The following NPAS3 variants were observed in gnomAD, a reference collection of about 807,000 sequenced individuals.
NPAS3 encodes the protein neuronal PAS domain-containing protein 3.
Under a neutral mutation model 73.1 loss-of-function variants are expected in NPAS3, and 14 were observed. The ratio of observed to expected loss-of-function variants is 0.19; its 90% CI spans 0.13 to 0.30. The LOEUF (loss-of-function observed/expected upper bound fraction) is 0.30. NPAS3 is among the 10% of genes least tolerant of loss of function. The pLI is 1.00. For missense variants in NPAS3, 1,096 were observed against 1,250.0 expected (o/e 0.88, Z 1.86); for synonymous variants, 620 against 541.5 (o/e 1.14, Z -2.01).
At chr14:32,966,070 G>C (rs1487086075) in intron 1 of NPAS3, among the ~76,000 whole-genome samples, 1 of 152,080 alleles carries the variant, frequency 6.6e-6, no homozygotes, top group Non-Finnish European at 1.5e-5. Context: ...CAAATGGAAA[G>C]ATATCTCATG....
chr14:33,190,089 T>C (rs1366991073), intron 2 of NPAS3, among the ~76,000 whole-genome samples: 4 of 152,184 alleles, frequency 2.6e-5, no homozygotes, highest in South Asian at 4.1e-4. Flanking sequence ...AGAAAATGCA[T>C]AGAAATACTT....
chr14:33,606,692 G>A (rs981651088), intron 5 of NPAS3, among the ~76,000 whole-genome samples: 1 of 152,124 alleles, frequency 6.6e-6, no homozygotes, highest in African/African-American at 2.4e-5. Context: ...AGATAAAGAT[G>A]TCCTAATTAT....
chr14:33,648,104 G>C (rs912051465), intron 5 of NPAS3, among the ~76,000 whole-genome samples: 2 of 152,136 alleles, frequency 1.3e-5, no homozygotes, highest in African/African-American at 4.8e-5. Flanking sequence ...TTAGAACTCT[G>C]TAAAGCAGAG....
intron 2 of NPAS3, among the ~76,000 whole-genome samples, chr14:33,062,159 C>A (rs1371916438): frequency 6.6e-6 from 1 of 152,038 alleles, no homozygotes; most frequent in Non-Finnish European, 1.5e-5. Flanking sequence ...AGAAGAATTA[C>A]CCTGGAGGTG....
intron 3 of NPAS3, among the ~76,000 whole-genome samples, chr14:33,315,841 G>A (rs1485978449): frequency 6.6e-6 from 1 of 151,980 alleles, no homozygotes; most frequent in Non-Finnish European, 1.5e-5. Flanking sequence ...GAATTTTGTT[G>A]AGAACTCCAG....
intron 2 of NPAS3, among the ~76,000 whole-genome samples, chr14:33,111,782 G>A (rs2042902707): frequency 6.6e-6 from 1 of 151,228 alleles, no homozygotes; most frequent in African/African-American, 2.4e-5. Context: ...ATTTACATTA[G>A]GTATATCTCC....
chr14:33,038,590 G>T (rs2040248823), intron 1 of NPAS3, among the ~76,000 whole-genome samples: 1 of 151,998 alleles, frequency 6.6e-6, no homozygotes, highest in African/African-American at 2.4e-5. Flanking sequence ...GCTTTTTAAA[G>T]GGATGTCATT....
chr14:33,189,285 G>T (rs1028800), intron 2 of NPAS3, among the ~76,000 whole-genome samples: 1 of 152,166 alleles, frequency 6.6e-6, no homozygotes, highest in African/African-American at 2.4e-5. Flanking sequence ...GGCAGACAGA[G>T]CTTGTTTTAA....
At chr14:32,997,613 C>G (rs1255172593) in intron 1 of NPAS3, among the ~76,000 whole-genome samples, 1 of 152,014 alleles carries the variant, frequency 6.6e-6, no homozygotes, top group African/African-American at 2.4e-5. Flanking sequence ...CTCTCTTTTC[C>G]TGCTGCCATC....
intron 2 of NPAS3, among the ~76,000 whole-genome samples, chr14:33,200,931 G>A (rs1325155783): frequency 1.3e-5 from 2 of 152,004 alleles, no homozygotes; most frequent in African/African-American, 2.4e-5. Context: ...AATTTTCTTT[G>A]ATCCTGCAAG....
intron 7 of NPAS3, among the ~76,000 whole-genome samples, chr14:33,768,786 C>A (rs930994375): frequency 6.6e-6 from 1 of 152,206 alleles, no homozygotes; most frequent in Non-Finnish European, 1.5e-5. Flanking sequence ...TACCGCCCCC[C>A]ACCAATATTC....
rs757026391 is a variant in NPAS3 at position 33,333,816 on chromosome 14, C to A, written c.386-33370C>A. 1.1e-3 allele frequency among the ~76,000 whole-genome samples: 175 copies of A among 152,272 alleles called. 2 individuals are homozygous for A. The highest frequency in any genetic ancestry group is 4.4e-4 in the Non-Finnish European group (30 of 68,018). ...ACTAATTCCCACTTATAAACACTGG[C>A]ATGGCTTCAAGTCCATTTTATTGAA... On this transcript the variant is annotated intron_variant, in intron 3 of 11. Transcript: ENST00000356141.
chr14:33,402,633 T>A (rs2047495000), intron 4 of NPAS3, among the ~76,000 whole-genome samples: 1 of 152,132 alleles, frequency 6.6e-6, no homozygotes, highest in African/African-American at 2.4e-5. Context: ...AACTAAATGG[T>A]CTCTGCTGTG....
chr14:33,408,187 A>G (rs900584347), intron 4 of NPAS3, among the ~76,000 whole-genome samples: 1 of 152,102 alleles, frequency 6.6e-6, no homozygotes, highest in Non-Finnish European at 1.5e-5. Flanking sequence ...CTCATTGTGA[A>G]ATCTAATTAT....
At chr14:33,246,305 C>G (rs906701038) in intron 3 of NPAS3, among the ~76,000 whole-genome samples, 3 of 151,900 alleles carry the variant, frequency 2.0e-5, no homozygotes, top group African/African-American at 7.3e-5. Context: ...TTTGGGAGGC[C>G]GAGGCGGGCG....
At chr14:33,017,016 G>T (rs1445600098) in intron 1 of NPAS3, among the ~76,000 whole-genome samples, 1 of 152,140 alleles carries the variant, frequency 6.6e-6, no homozygotes, top group Non-Finnish European at 1.5e-5. Context: ...ATAACTAAAA[G>T]AACCTGAAAA....
intron 1 of NPAS3, among the ~76,000 whole-genome samples, chr14:32,971,936 C>CTTTTTTTTT (rs66998179): frequency 8.9e-6 from 1 of 112,942 alleles, no homozygotes; most frequent in Non-Finnish European, 1.8e-5. Context: ...CAGTGGGACT[C>CTTTTTTTTT]TTTTTTTTTT....
chr14:32,940,454 C>G (rs185801708), intron 1 of NPAS3, among the ~76,000 whole-genome samples: 11 of 152,330 alleles, frequency 7.2e-5, no homozygotes, highest in Admixed American at 6.5e-4. Context: ...ACGTTAATGA[C>G]ATTAATTGCA....
At chr14:33,582,447 A>G (rs1595205795) in intron 5 of NPAS3, among the ~76,000 whole-genome samples, 2 of 152,172 alleles carry the variant, frequency 1.3e-5, no homozygotes, top group East Asian at 1.9e-4. Flanking sequence ...GGACTTTGCT[A>G]TGTTCCTGAA....
Sources: allele counts gnomAD v4.1 joint callset (sites outside exome capture counted in the v4.1 genomes callset), GRCh38; gene constraint gnomAD v4.1.1; transcripts MANE v1.5; gene names NCBI Gene and HGNC (gene_info 2026-07-23, HGNC 2026-07-21).